The following C1orf122 variants were observed in gnomAD, a reference collection of about 807,000 sequenced individuals.
C1orf122 encodes chromosome 1 open reading frame 122, also known as uncharacterized protein C1orf122.
C1orf122 carries 12 observed loss-of-function variants against 12.9 expected under a neutral mutation model. The observed-to-expected ratio is 0.93, with a 90% CI of 0.60 to 1.51. The LOEUF (loss-of-function observed/expected upper bound fraction) is 1.51, where lower values mean the gene tolerates loss of function less well. C1orf122 is among the 40% of genes most tolerant of loss of function. The pLI is 0.00. For missense variants in C1orf122, 144 were observed against 162.1 expected (o/e 0.89, Z 0.61); for synonymous variants, 57 against 73.4 (o/e 0.78, Z 1.14).
rs1646758506 is a variant in C1orf122 at position 37,808,377 on chromosome 1, G to T, written c.-28G>T. ...CTGGGGAGGGGGGCGGCCGAAAGGG[G>T]GGCGGTGGTCGGGCCGCGCAAGCGG... On this transcript the variant is annotated 5_prime_UTR_variant, in exon 1 of 3. Coordinates refer to ENST00000373042, the MANE Select transcript of C1orf122 (RefSeq NM_198446.3). The T allele has an allele frequency of 2.3e-6, 3 of 1,288,250 alleles. No individual in the cohort carries two copies. Among genetic ancestry groups the T allele is most frequent in the Non-Finnish European group, 2.9e-6 (3 of 1,019,468 alleles). 79.8% of individuals were successfully genotyped at this position (1,288,250 alleles called of 1,614,324 possible). A position where few individuals can be genotyped will look rare whatever the true frequency, so the allele number is the denominator to read the frequency against.
Position 37,808,595 on chromosome 1 carries a change from C to T in C1orf122, c.100C>T (p.Pro34Ser). The T allele has an allele frequency of 7.7e-7, 1 of 1,295,352 alleles. No individual in the cohort carries two copies. The highest frequency in any genetic ancestry group is 9.8e-7 in the Non-Finnish European group (1 of 1,023,106). The allele number at this position is 1,295,352 out of a possible 1,614,324, so 80.2% of individuals were successfully genotyped here. ...GCTCGGCGGGAGGCCACCCCCACAG[C>T]CGCCCCGGGAGGAGCGCGCCCAGCA... ...LGLGGRPPPQ[P>S]PREERAQQLL... The change falls in exon 2 of 3, where the codon CCG becomes TCG. Residue 34 changes from proline to serine, a missense_variant. Pro to Ser is a moderately conservative substitution (Grantham distance 74, BLOSUM62 -1). Coordinates refer to ENST00000373042, the MANE Select transcript of C1orf122 (RefSeq NM_198446.3).
In C1orf122 at chr1:37,808,523, C is replaced by A; in HGVS notation, c.36-8C>A. ...CTGACCGTCTGTCTCTCGCTCTCTC[C>A]CGGGCAGGGAGGCTGCCGGCGTGGA... is the stretch of plus-strand genomic sequence containing the variant. On this transcript the variant is annotated splice_region_variant and splice_polypyrimidine_tract_variant and intron_variant, in intron 1 of 2. Coordinates refer to ENST00000373042, the MANE Select transcript of C1orf122 (RefSeq NM_198446.3). 1 of 1,300,278 alleles carries A rather than the reference C, an allele frequency of 7.7e-7. No individual in the cohort carries two copies. Among genetic ancestry groups the A allele is most frequent in the South Asian group, 2.3e-5 (1 of 42,750 alleles). The allele number at this position is 1,300,278 out of a possible 1,614,324, so 80.5% of individuals were successfully genotyped here. A position where few individuals can be genotyped will look rare whatever the true frequency, so the allele number is the denominator to read the frequency against.
Sources: allele counts gnomAD v4.1 joint callset, GRCh38; gene constraint gnomAD v4.1.1; transcripts MANE v1.5; gene names NCBI Gene and HGNC (gene_info 2026-07-23, HGNC 2026-07-21).